FOCAD: variants seen among roughly 807,000 people sequenced by gnomAD.
FOCAD encodes KIAA1797.
Under a neutral mutation model 225.6 loss-of-function variants are expected in FOCAD, and 198 were observed. The observed-to-expected ratio is 0.88, with a 90% CI of 0.78 to 0.99. The LOEUF (loss-of-function observed/expected upper bound fraction) is 0.99. FOCAD is among the 50% of genes least tolerant of loss of function. FOCAD has a pLI of 0.00. For missense variants in FOCAD, 2,713 were observed against 2,123.6 expected (o/e 1.28, Z -5.46); for synonymous variants, 897 against 755.0 (o/e 1.19, Z -3.08).
intron 7 of FOCAD, among the ~76,000 whole-genome samples, chr9:20,768,758 C>T (rs905414848): frequency 6.6e-6 from 1 of 152,128 alleles, no homozygotes; most frequent in African/African-American, 2.4e-5. Context: ...TCTTCTCCTT[C>T]CAGTTGCTCT....
intron 2 of FOCAD, among the ~76,000 whole-genome samples, chr9:20,677,514 C>CA (rs988861198): frequency 7.9e-5 from 12 of 151,964 alleles, no homozygotes; most frequent in African/African-American, 2.7e-4. Flanking sequence ...AGCTTAATAG[C>CA]AAAAAAACCA....
intron 14 of FOCAD, among the ~76,000 whole-genome samples, chr9:20,822,443 G>T (rs939260633): frequency 5.9e-5 from 9 of 152,042 alleles, no homozygotes; most frequent in Non-Finnish European, 1.2e-4. Context: ...AGAGGAAGGG[G>T]AGGAGGATGA....
At chr9:20,681,524 C>A (rs1366094802), upstream of FOCAD, among the ~76,000 whole-genome samples, 1 of 152,210 alleles carries the variant, frequency 6.6e-6, no homozygotes, top group African/African-American at 2.4e-5. Context: ...TTTTTAACTT[C>A]AGAATTTGTC....
chr9:20,824,653 C>G (rs1384575568), intron 15 of FOCAD, among the ~76,000 whole-genome samples: 1 of 151,950 alleles, frequency 6.6e-6, no homozygotes, highest in East Asian at 1.9e-4. Flanking sequence ...ATCAGTTGTT[C>G]TATGTGTCCT....
chr9:20,747,338 T>C (rs1331213511), intron 5 of FOCAD, among the ~76,000 whole-genome samples: 2 of 152,194 alleles, frequency 1.3e-5, no homozygotes, highest in East Asian at 3.8e-4. Flanking sequence ...AATTTTTTTT[T>C]ACATTAGCAG....
At chr9:20,734,381 C>T (rs1011586429) in intron 4 of FOCAD, among the ~76,000 whole-genome samples, 1 of 152,126 alleles carries the variant, frequency 6.6e-6, no homozygotes, top group Non-Finnish European at 1.5e-5. Flanking sequence ...ATTCCTAGAC[C>T]TATAAAAAAC....
At chr9:20,754,450 G>A (rs1191597827) in intron 5 of FOCAD, among the ~76,000 whole-genome samples, 9 of 151,846 alleles carry the variant, frequency 5.9e-5, no homozygotes, top group Admixed American at 5.9e-4. Flanking sequence ...TGTGCATCCA[G>A]TTTGATAACT....
intron 21 of FOCAD, among the ~76,000 whole-genome samples, chr9:20,887,878 A>G (rs540813603): frequency 1.3e-5 from 2 of 152,110 alleles, no homozygotes; most frequent in Non-Finnish European, 2.9e-5. Flanking sequence ...AAATTTAGCT[A>G]TTCTTGTAGA....
chr9:20,691,103 C>G (rs974178584), intron 1 of FOCAD, among the ~76,000 whole-genome samples: 2 of 152,156 alleles, frequency 1.3e-5, no homozygotes, highest in East Asian at 3.9e-4. Context: ...CCACCACACC[C>G]AGCTAATTTT....
intron 21 of FOCAD, among the ~76,000 whole-genome samples, chr9:20,888,193 C>T (rs1441550261): frequency 7.7e-6 from 1 of 130,408 alleles, no homozygotes; most frequent in African/African-American, 3.0e-5. Context: ...GGCGGGAGTG[C>T]AGTGGTGCGA....
chr9:20,734,252 GGT>G (rs1306709345), intron 4 of FOCAD, among the ~76,000 whole-genome samples: 1 of 152,104 alleles, frequency 6.6e-6, no homozygotes, highest in Non-Finnish European at 1.5e-5. Flanking sequence ...GAGTCTTAAA[GGT>G]TCCTTCAAAT....
At position 20,764,978 on chromosome 9, in the gene FOCAD, T is replaced by G; in HGVS notation, c.604T>G (p.Leu202Val). Residue 202 changes from leucine (L) to valine (V), a missense_variant, in exon 7 of 44, where the codon TTA becomes GTA. Physicochemically the swap from Leu to Val is conservative, Grantham distance 32. Coordinates refer to ENST00000338382, the MANE Select transcript of FOCAD (RefSeq NM_001375567.1). ...ACTCCGACTAGCCCTGCTGAAAGTC[T>G]TACTTCAACCCCAGGTTCTTTGTGA... ...AKLRLALLKV[L>V]LQPQVLCDKD... The G allele has an allele frequency of 6.2e-7, 1 of 1,614,146 alleles. No homozygotes were observed. Among genetic ancestry groups the G allele is most frequent in the Non-Finnish European group, 8.5e-7 (1 of 1,180,004 alleles).
At position 20,958,409 on chromosome 9, in the gene FOCAD, T is replaced by A. The variant is rs199877142; in HGVS notation, c.4132+5344T>A. ...GTAAATTTGAAATTTTTAAAAAAAA[T>A]TTTTAATTGATGAATAATTATACAT... On this transcript the variant is annotated intron_variant, in intron 35 of 43. Transcript: ENST00000338382. Among the ~76,000 whole-genome samples the A allele has an allele frequency of 1.6e-4, 19 of 115,498 alleles. No homozygotes were observed. The East Asian group carries it at 2.4e-3, about 14-fold the overall frequency. The allele number at this position is 115,498 out of a possible 152,430, so 75.8% of individuals were successfully genotyped here.
At chr9:20,952,376 A>G (rs1354859932) in intron 34 of FOCAD, 1 of 152,202 alleles carries the variant, frequency 6.6e-6, no homozygotes, top group African/African-American at 2.4e-5. Flanking sequence ...CTCATGAAAC[A>G]ATTATGGGAA....
At chr9:20,908,587 G>A (rs1833174885) in intron 22 of FOCAD, among the ~76,000 whole-genome samples, 1 of 152,006 alleles carries the variant, frequency 6.6e-6, no homozygotes, top group Non-Finnish European at 1.5e-5. Flanking sequence ...GCATTTTAAA[G>A]ATGTTCCTTT....
chr9:20,883,406 C>T lies in FOCAD; in HGVS notation c.2503+1350C>T, dbSNP rs147294732. 1.3e-3 allele frequency among the ~76,000 whole-genome samples: 191 copies of T among 151,810 alleles called. No individual in the cohort carries two copies. The Middle Eastern group carries it at 0.021, about 16-fold the overall frequency. ...ATCTGAACAATCTATGAACAAACTACTGTATAGACATGTAGAACATTGTAC... is the reference window on the plus strand; with the variant it reads ...ATCTGAACAATCTATGAACAAACTATTGTATAGACATGTAGAACATTGTAC... On this transcript the variant is annotated intron_variant, in intron 20 of 43. Transcript: ENST00000338382.
intron 15 of FOCAD, among the ~76,000 whole-genome samples, chr9:20,861,303 T>C (rs1388769332): frequency 2.0e-5 from 3 of 152,222 alleles, no homozygotes; most frequent in Admixed American, 6.5e-5. Context: ...TATGTACCAC[T>C]CTGGGTATGC....
In FOCAD at chr9:20,765,033, A is replaced by C; in HGVS notation, c.659A>C (p.Gln220Pro). The change falls in exon 7 of 44, where the codon CAG becomes CCG. Residue 220 changes from glutamine (Q) to proline (P), a missense_variant. By Grantham distance (76) the Gln-to-Pro change is moderately conservative (BLOSUM62 -1). Coordinates refer to ENST00000338382, the MANE Select transcript of FOCAD (RefSeq NM_001375567.1). The stretch of plus-strand genomic sequence containing the variant: ...GATCAACCATCAATACTGGAACAGC[A>C]GATACTTCAACTGTGTTGTGACATA... ...DKDQPSILEQ[Q>P]ILQLCCDIVP... 6.2e-7 allele frequency: 1 copy of C among 1,614,086 alleles called. No individual in the cohort carries two copies. The highest frequency in any genetic ancestry group is 8.5e-7 in the Non-Finnish European group (1 of 1,179,988).
rs932436180 is a variant in FOCAD, at chr9:20,814,603, C to G, written c.1456-5193C>G. 1.9e-4 allele frequency among the ~76,000 whole-genome samples: 29 copies of G among 152,056 alleles called. 1 individual carries two copies. The highest frequency in any genetic ancestry group is 7.0e-4 in the African/African-American group (29 of 41,396). ...AACTCCTGCCCTCAAGTGATCCATC[C>G]ACCTTCAGCCTCCCAGAGTACTGAG... On this transcript the variant is annotated intron_variant, in intron 11 of 43. Coordinates refer to ENST00000338382, the MANE Select transcript of FOCAD (RefSeq NM_001375567.1).
Sources: allele counts gnomAD v4.1 joint callset (sites outside exome capture counted in the v4.1 genomes callset), GRCh38; gene constraint gnomAD v4.1.1; transcripts MANE v1.5; gene names NCBI Gene and HGNC (gene_info 2026-07-23, HGNC 2026-07-21).